PCDHGB2: variants seen among roughly 807,000 people sequenced by gnomAD.
PCDHGB2 encodes protocadherin gamma-B2.
In PCDHGB2, 55 loss-of-function variants were observed where a neutral mutation model predicts 59.3. The ratio of observed to expected loss-of-function variants is 0.93; its 90% CI spans 0.75 to 1.16. The LOEUF is 1.16. Ranked by LOEUF, PCDHGB2 falls within the 50% of genes most tolerant of loss-of-function variation. PCDHGB2 has a pLI of 0.00. For synonymous variants in PCDHGB2, 516 were observed against 512.0 expected (o/e 1.01, Z -0.11); for missense variants, 1,228 against 1,198.5 (o/e 1.02, Z -0.36).
Position 141,486,266 on chromosome 5 carries a change from C to G in PCDHGB2, c.2422-8541C>G, listed in dbSNP as rs1311684194. On this transcript the variant is annotated intron_variant, in intron 1 of 3. Transcript: ENST00000522605. The surrounding 1 kb of genome is among the most constrained non-coding windows in gnomAD (Gnocchi z 5.0). Reference sequence around the variant, plus strand: ...TGGAACCCTCCCCGAGAGTGCAGAACCTGGCACTGTGGTGGCACTTATCAG... The same window carrying G: ...TGGAACCCTCCCCGAGAGTGCAGAAGCTGGCACTGTGGTGGCACTTATCAG... 1 of 1,614,098 alleles carries G rather than the reference C, an allele frequency of 6.2e-7. No individual in the cohort carries two copies.
chr5:141,506,162 C>T (rs1448735916), intron 3 of PCDHGB2, among the ~76,000 whole-genome samples: 1 of 152,124 alleles, frequency 6.6e-6, no homozygotes, highest in Non-Finnish European at 1.5e-5. Flanking sequence ...CTTAAGAGCA[C>T]AGCCTAAGCT....
chr5:141,450,633 C>T (rs751572851), intron 1 of PCDHGB2, among the ~76,000 whole-genome samples: 2 of 149,416 alleles, frequency 1.3e-5, no homozygotes, highest in East Asian at 2.0e-4. Flanking sequence ...ATTACAGATG[C>T]CTGCCACCAT....
chr5:141,413,690 A>T lies in PCDHGB2; in HGVS notation c.2421+51134A>T, dbSNP rs553462819. On this transcript the variant is annotated intron_variant, in intron 1 of 3. Transcript: ENST00000522605. ...CCGGATGTGGGCGTGAACTCCCTGC[A>T]GAGCTATCAGCTCAGCCCCAATAAG... 9.9e-6 allele frequency: 16 copies of T among 1,613,702 alleles called. No individual in the cohort carries two copies. The East Asian group carries it at 2.9e-4, about 29-fold the overall frequency.
rs2099404338 is a variant in PCDHGB2, at chr5:141,477,060, C to T, written c.2422-17747C>T. On this transcript the variant is annotated intron_variant, in intron 1 of 3. Coordinates refer to ENST00000522605, the MANE Select transcript of PCDHGB2 (RefSeq NM_018923.3). This position sits in a 1 kb window ranked among gnomAD's most constrained non-coding sequence, Gnocchi z 4.9. Reference sequence around the variant, plus strand: ...AAGGGTCGGCTGGACTTCGAGGACACCAAACTCCATGAGATTTACATCCAG... The same window carrying T: ...AAGGGTCGGCTGGACTTCGAGGACATCAAACTCCATGAGATTTACATCCAG... 3.7e-6 allele frequency: 6 copies of T among 1,614,256 alleles called. No individual in the cohort carries two copies. The highest frequency in any genetic ancestry group is 5.1e-6 in the Non-Finnish European group (6 of 1,180,046).
chr5:141,397,907 G>C, intron 1 of PCDHGB2: 1 of 663,426 alleles, frequency 1.5e-6, no homozygotes, highest in Non-Finnish European at 2.5e-6. Context: ...AGAGCTTGGC[G>C]CTCCAGATCT....
chr5:141,391,303 ATTCTTTTTTTT>A (rs2092340493), intron 1 of PCDHGB2: 1 of 150,682 alleles, frequency 6.6e-6, no homozygotes, highest in South Asian at 2.1e-4. Flanking sequence ...ACGTCTTTCG[ATTCTTTTTTTT>A]TTCTTTTTTT....
chr5:141,393,858 A>C lies in PCDHGB2; in HGVS notation c.2421+31302A>C, dbSNP rs777304987. 5 of 1,613,912 alleles carry C rather than the reference A, an allele frequency of 3.1e-6. No homozygotes were observed. The South Asian group carries it at 3.3e-5, about 11-fold the overall frequency. Reference sequence around the variant, plus strand: ...AAATGACAATAGACCAGAAGTGATCATTACGTCTTTGTTTAGCCCAGTGTT... The same window carrying C: ...AAATGACAATAGACCAGAAGTGATCCTTACGTCTTTGTTTAGCCCAGTGTT... On this transcript the variant is annotated intron_variant, in intron 1 of 3. Coordinates refer to ENST00000522605, the MANE Select transcript of PCDHGB2 (RefSeq NM_018923.3).
intron 1 of PCDHGB2, among the ~76,000 whole-genome samples, chr5:141,382,245 A>C (rs1778064019): frequency 6.6e-6 from 1 of 152,172 alleles, no homozygotes; most frequent in South Asian, 2.1e-4. Flanking sequence ...GACTTTCTGA[A>C]TCTTGCATCA....
At position 141,476,030 on chromosome 5, in the gene PCDHGB2, G is replaced by A; in HGVS notation, c.2422-18777G>A. On this transcript the variant is annotated intron_variant, in intron 1 of 3. Coordinates refer to ENST00000522605, the MANE Select transcript of PCDHGB2 (RefSeq NM_018923.3). This position sits in a 1 kb window ranked among gnomAD's most constrained non-coding sequence, Gnocchi z 7.6. ...AAAGCCATGTCGGACTCGGCGCCCA[G>A]CGCCCAAGCGCTAACCCGCTGAAAG... 2.7e-6 allele frequency: 4 copies of A among 1,459,176 alleles called. No individual in the cohort carries two copies. The highest frequency in any genetic ancestry group is 3.6e-6 in the Non-Finnish European group (4 of 1,096,658). The allele number at this position is 1,459,176 out of a possible 1,614,324, so 90.4% of individuals were successfully genotyped here. A position where few individuals can be genotyped will look rare whatever the true frequency, so the allele number is the denominator to read the frequency against.
chr5:141,419,659 C>T (rs930108720), intron 1 of PCDHGB2: 2 of 1,612,608 alleles, frequency 1.2e-6, no homozygotes, highest in East Asian at 4.5e-5. Flanking sequence ...ACTCGGGGCA[C>T]AATGCCTGGC....
At chr5:141,393,267 T>C in intron 1 of PCDHGB2, 1 of 1,613,944 alleles carries the variant, frequency 6.2e-7, no homozygotes, top group Non-Finnish European at 8.5e-7. Flanking sequence ...TGGAGCACGT[T>C]ATCCACTCCC....
intron 1 of PCDHGB2, chr5:141,409,913 G>C (rs769370742): frequency 1.9e-6 from 3 of 1,613,334 alleles, no homozygotes; most frequent in East Asian, 2.2e-5. Flanking sequence ...GGGTCCTGAC[G>C]GCTCCGCGTT....
At chr5:141,423,397 C>T (rs759822483) in intron 1 of PCDHGB2, 3 of 1,614,146 alleles carry the variant, frequency 1.9e-6, no homozygotes, top group East Asian at 2.2e-5. Context: ...GCATAAGTCA[C>T]GCCTGCTGCA....
At chr5:141,370,718 G>T in intron 1 of PCDHGB2, 1 of 1,613,818 alleles carries the variant, frequency 6.2e-7, no homozygotes, top group Non-Finnish European at 8.5e-7. Flanking sequence ...AATTTGAAAT[G>T]GTTGCTGAAA....
At chr5:141,426,986 C>A (rs764345099) in intron 1 of PCDHGB2, 6 of 456,618 alleles carry the variant, frequency 1.3e-5, no homozygotes, top group Non-Finnish European at 2.2e-5. Flanking sequence ...CTGATGCCAA[C>A]GATAATGCCC....
At chr5:141,392,899 G>A in intron 1 of PCDHGB2, 1 of 1,613,820 alleles carries the variant, frequency 6.2e-7, no homozygotes, top group Admixed American at 1.7e-5. Flanking sequence ...ATCGGGAGGG[G>A]ACAGATTCGC....
intron 1 of PCDHGB2, chr5:141,400,391 C>T (rs1468153713): frequency 1.2e-6 from 2 of 1,614,076 alleles, no homozygotes; most frequent in Non-Finnish European, 1.7e-6. Flanking sequence ...GTTGCACATA[C>T]AGGAAAGACG....
At chr5:141,364,601 G>C in intron 1 of PCDHGB2, 1 of 1,614,194 alleles carries the variant, frequency 6.2e-7, no homozygotes, top group Non-Finnish European at 8.5e-7. Context: ...GGGCAGGATA[G>C]ACCGGGAGGA....
rs779307225 is a variant in PCDHGB2 at position 141,361,654 on chromosome 5, G to A, written c.1519G>A (p.Val507Met). Reference sequence around the variant, plus strand: ...GCGGGAGATTTTATCCTACGTGTCCGTGAGCGCGCAGAGCGGGGTGGTGTT... The same window carrying A: ...GCGGGAGATTTTATCCTACGTGTCCATGAGCGCGCAGAGCGGGGTGGTGTT... ...KPREILSYVSVSAQSGVVFAQ... is the reference protein window; with the variant it reads ...KPREILSYVSMSAQSGVVFAQ... Residue 507 changes from valine (V) to methionine (M), a missense_variant, in exon 1 of 4, where the codon GTG becomes ATG. This residue lies in a region of PCDHGB2 where 781 missense variants were observed against 721.6 expected (regional missense o/e 1.08). Coordinates refer to ENST00000522605, the MANE Select transcript of PCDHGB2 (RefSeq NM_018923.3). The A allele has an allele frequency of 1.2e-6, 2 of 1,613,664 alleles. No individual in the cohort carries two copies. Among genetic ancestry groups the A allele is most frequent in the African/African-American group, 1.3e-5 (1 of 74,956 alleles).
Sources: gnomAD v4.1 joint callset for allele counts (sites outside exome capture counted in the v4.1 genomes callset) on GRCh38, gnomAD v4.1.1 for gene constraint, gnomAD v4.1.1 regional missense constraint, Gnocchi (gnomAD v3.1) non-coding constraint, MANE v1.5 for transcripts, NCBI Gene and HGNC (gene_info 2026-07-23, HGNC 2026-07-21) for gene names.